VAX1: variants seen among roughly 807,000 people sequenced by gnomAD.
VAX1 encodes ventral anterior homeobox 1.
A neutral mutation model predicts 17.6 loss-of-function variants in VAX1; 6 were observed. The observed-to-expected ratio is 0.34, with a 90% confidence interval of 0.19 to 0.67. The LOEUF is 0.67. VAX1 is among the 30% of genes least tolerant of loss of function. The pLI is 0.69. For missense variants in VAX1, 408 were observed against 463.7 expected, an observed-to-expected ratio of 0.88 and a Z score of 1.10; for synonymous variants, 256 against 227.4, an observed-to-expected ratio of 1.13 and a Z score of -1.13.
In VAX1 at chr10:117,134,171, A is replaced by G; in HGVS notation, c.842T>C (p.Leu281Pro). ...GGACAGGCGGCTGGCGACGGAGCCG[A>G]GCAGCGAGGGCACCGGCAGGCTGAA... The part of the protein sequence containing the change: ...SLFSLPVPSL[L>P]GSVASRLSSA... Residue 281 changes from leucine to proline, a missense_variant, in exon 3 of 3, where the codon CTC becomes CCC. This residue lies in a region of VAX1 where 196 missense variants were observed against 218.7 expected (regional missense o/e 0.90). Coordinates refer to ENST00000369206, the MANE Select transcript of VAX1 (RefSeq NM_001112704.2). This position sits in a 1 kb window ranked among gnomAD's most constrained non-coding sequence, Gnocchi z 6.2. 6.6e-7 allele frequency: 1 copy of G among 1,522,164 alleles called. No homozygotes were observed. Among genetic ancestry groups the G allele is most frequent in the Non-Finnish European group, 8.8e-7 (1 of 1,135,018 alleles). 94.3% of individuals were successfully genotyped at this position (1,522,164 alleles called of 1,614,324 possible).
In VAX1 at chr10:117,136,757, GT is replaced by G. The variant is rs1203658701; in HGVS notation, c.242-99del. 1.4e-6 allele frequency: 2 copies of G among 1,437,382 alleles called. No homozygotes were observed. Among genetic ancestry groups the G allele is most frequent in the Non-Finnish European group, 1.9e-6 (2 of 1,072,110 alleles). The allele number at this position is 1,437,382 out of a possible 1,614,324, so 89.0% of individuals were successfully genotyped here. The stretch of plus-strand genomic sequence containing the variant: ...GGGACACAGTCCCCAGAAGCGTGCA[GT>G]TTTGGGGATGGGGGGCGGGGTGCGG... On this transcript the variant is annotated intron_variant, in intron 1 of 2. Transcript: ENST00000369206. The surrounding 1 kb of genome is among the most constrained non-coding windows in gnomAD (Gnocchi z 5.0).
rs536410336 is a variant in VAX1, at chr10:117,137,821, A to C, written c.236T>G (p.Val79Gly). Reference protein sequence around the residue: ...ADPDYCRRILVRDAKGSIREI... With the variant: ...ADPDYCRRILGRDAKGSIREI... ...GCAGCCCTGCCCATCCCTACCTCGGACCAGGATCCGGCGGCAGTAATCCGG... is the reference window on the plus strand; with the variant it reads ...GCAGCCCTGCCCATCCCTACCTCGGCCCAGGATCCGGCGGCAGTAATCCGG... Residue 79 changes from valine (V) to glycine (G), a missense_variant, in exon 1 of 3, where the codon GTC becomes GGC. By Grantham distance (109) the Val-to-Gly change is moderately radical (BLOSUM62 -3). Around this residue, in one of 4 missense-constraint regions of VAX1, gnomAD observed 133 missense variants for 112.0 expected, o/e 1.19. Transcript: ENST00000369206. This position sits in a 1 kb window ranked among gnomAD's most constrained non-coding sequence, Gnocchi z 7.4. 1 of 1,612,058 alleles carries C rather than the reference A, an allele frequency of 6.2e-7. No individual in the cohort carries two copies. Among genetic ancestry groups the C allele is most frequent in the African/African-American group, 1.3e-5 (1 of 74,994 alleles).
chr10:117,133,484 G>A lies in VAX1; in HGVS notation c.*524C>T, dbSNP rs1854117539. 3 of 985,480 alleles carry A rather than the reference G, an allele frequency of 3.0e-6. No homozygotes were observed. Among genetic ancestry groups the A allele is most frequent in the Non-Finnish European group, 3.6e-6 (3 of 830,064 alleles). 61.0% of individuals were successfully genotyped at this position (985,480 alleles called of 1,614,324 possible). A position where few individuals can be genotyped will look rare whatever the true frequency, so the allele number is the denominator to read the frequency against. On this transcript the variant is annotated 3_prime_UTR_variant, in exon 3 of 3. Coordinates refer to ENST00000369206, the MANE Select transcript of VAX1 (RefSeq NM_001112704.2). ...CCGACTATCCCGAGAGGTCCGCAAA[G>A]CGGGGCCCAGGGGCTCCCACAAGCC...
chr10:117,134,500 C>T lies in VAX1; in HGVS notation c.513G>A (p.Glu171=). The T allele has an allele frequency of 6.5e-7, 1 of 1,529,732 alleles. No individual in the cohort carries two copies. The highest frequency in any genetic ancestry group is 8.8e-7 in the Non-Finnish European group (1 of 1,142,454). The allele number at this position is 1,529,732 out of a possible 1,614,324, so 94.8% of individuals were successfully genotyped here. A position where few individuals can be genotyped will look rare whatever the true frequency, so the allele number is the denominator to read the frequency against. Residue 171 remains glutamate (E), a synonymous_variant, in exon 3 of 3, where the codon GAG becomes GAA. Coordinates refer to ENST00000369206, the MANE Select transcript of VAX1 (RefSeq NM_001112704.2). This position sits in a 1 kb window ranked among gnomAD's most constrained non-coding sequence, Gnocchi z 6.2. ...KDSELRSVVS[E]TAATCSVLRL... The stretch of plus-strand genomic sequence containing the variant: ...GTAGCACGCTGCACGTGGCCGCGGT[C>T]TCCGACACCACCGAGCGTAGCTCCG...
chr10:117,137,780 C>A lies in VAX1; in HGVS notation c.241+36G>T. On this transcript the variant is annotated intron_variant, in intron 1 of 2. Coordinates refer to ENST00000369206, the MANE Select transcript of VAX1 (RefSeq NM_001112704.2). This position sits in a 1 kb window ranked among gnomAD's most constrained non-coding sequence, Gnocchi z 7.4. ...CGCAGCTCCGGCCCCGGAGTCGACC[C>A]CAAAGAACGCGCCTGGCAGCCCTGC... 1 of 1,609,458 alleles carries A rather than the reference C, an allele frequency of 6.2e-7. No homozygotes were observed. The highest frequency in any genetic ancestry group is 1.1e-5 in the South Asian group (1 of 90,872).
In VAX1 at chr10:117,134,317, G is replaced by A. The variant is rs1854137444; in HGVS notation, c.696C>T (p.Ala232=). 1 of 1,053,992 alleles carries A rather than the reference G, an allele frequency of 9.5e-7. No individual in the cohort carries two copies. The highest frequency in any genetic ancestry group is 7.3e-5 in the East Asian group (1 of 13,762). The allele number at this position is 1,053,992 out of a possible 1,614,324, so 65.3% of individuals were successfully genotyped here. A position where few individuals can be genotyped will look rare whatever the true frequency, so the allele number is the denominator to read the frequency against. The change falls in exon 3 of 3, where the codon GCC becomes GCT. Residue 232 remains alanine, a synonymous_variant. Coordinates refer to ENST00000369206, the MANE Select transcript of VAX1 (RefSeq NM_001112704.2). The surrounding 1 kb of genome is among the most constrained non-coding windows in gnomAD (Gnocchi z 6.2). ...AAGSAAAAAA[A]APGPAGAASP... ...ATGCAGCGCCCGCTGGGCCCGGGGCGGCGGCGGCGGCTGCGGCGGCCGAGC... is the reference window on the plus strand; with the variant it reads ...ATGCAGCGCCCGCTGGGCCCGGGGCAGCGGCGGCGGCTGCGGCGGCCGAGC...
rs935643016 is a variant in VAX1 at position 117,134,216 on chromosome 10, G to C, written c.797C>G (p.Pro266Arg). 7 of 1,460,724 alleles carry C rather than the reference G, an allele frequency of 4.8e-6. No homozygotes were observed. Among genetic ancestry groups the C allele is most frequent in the Admixed American group, 6.2e-5 (2 of 32,406 alleles). 90.5% of individuals were successfully genotyped at this position (1,460,724 alleles called of 1,614,324 possible). A position where few individuals can be genotyped will look rare whatever the true frequency, so the allele number is the denominator to read the frequency against. ...GCTGAAGAGGCTGTGGCCCGCGGCC[G>C]GGGCGCCTGCGTGCAATCCCCCCGG... is the stretch of plus-strand genomic sequence containing the variant. ...AGPGGLHAGA[P>R]AAGHSLFSLP... Residue 266 changes from proline (P) to arginine (R), a missense_variant, in exon 3 of 3, where the codon CCG becomes CGG. Pro to Arg is a moderately radical substitution (Grantham distance 103). Transcript: ENST00000369206. This position sits in a 1 kb window ranked among gnomAD's most constrained non-coding sequence, Gnocchi z 6.2.
downstream of VAX1, chr10:117,131,325 T>C (rs1854080881): frequency 6.6e-6 from 1 of 152,174 alleles, no homozygotes; most frequent in Non-Finnish European, 1.5e-5. Flanking sequence ...CAAGAGAAAG[T>C]AAGGAGAGGC....
intron 2 of VAX1, among the ~76,000 whole-genome samples, chr10:117,135,182 G>C (rs942117321): frequency 6.6e-6 from 1 of 152,228 alleles, no homozygotes; most frequent in Non-Finnish European, 1.5e-5. Flanking sequence ...GTGACCATTA[G>C]CTAGCAGCAA....
At position 117,136,174 on chromosome 10, in the gene VAX1, C is replaced by G. The variant is rs2133662170; in HGVS notation, c.429+298G>C. The stretch of plus-strand genomic sequence containing the variant: ...GTAGAGCAGAAGCTCGAAGGAAATG[C>G]TCAAAACCGGGGGACAATAAAAATT... On this transcript the variant is annotated intron_variant, in intron 2 of 2. Coordinates refer to ENST00000369206, the MANE Select transcript of VAX1 (RefSeq NM_001112704.2). This position sits in a 1 kb window ranked among gnomAD's most constrained non-coding sequence, Gnocchi z 5.0. Among the ~76,000 whole-genome samples the G allele has an allele frequency of 6.6e-6, 1 of 152,348 alleles. No individual in the cohort carries two copies. The highest frequency in any genetic ancestry group is 2.1e-4 in the South Asian group (1 of 4,830).
Position 117,134,642 on chromosome 10 carries a change from G to T in VAX1, c.430-59C>A. ...GGGGCAGGGAAGACCAGCGTCAAAG[G>T]AAGCGAGCTCCCGGGGCGCGCGGCT... is the stretch of plus-strand genomic sequence containing the variant. On this transcript the variant is annotated intron_variant, in intron 2 of 2. Coordinates refer to ENST00000369206, the MANE Select transcript of VAX1 (RefSeq NM_001112704.2). This position sits in a 1 kb window ranked among gnomAD's most constrained non-coding sequence, Gnocchi z 6.2. 1 of 1,429,646 alleles carries T rather than the reference G, an allele frequency of 7.0e-7. No individual in the cohort carries two copies. The highest frequency in any genetic ancestry group is 9.2e-7 in the Non-Finnish European group (1 of 1,088,576). The allele number at this position is 1,429,646 out of a possible 1,614,324, so 88.6% of individuals were successfully genotyped here.
At position 117,136,505 on chromosome 10, in the gene VAX1, C is replaced by T. The variant is rs1854181073; in HGVS notation, c.396G>A (p.Glu132=). ...CGGAGAGGTTAAGCTGCCGGGCGAG[C>T]TCGGTCCTCTCGCGGCCCACCACGT... The part of the protein sequence containing the change: ...CQYVVGRERT[E]LARQLNLSET... Residue 132 remains glutamate, a synonymous_variant, in exon 2 of 3, where the codon GAG becomes GAA. Coordinates refer to ENST00000369206, the MANE Select transcript of VAX1 (RefSeq NM_001112704.2). The surrounding 1 kb of genome is among the most constrained non-coding windows in gnomAD (Gnocchi z 5.0). 3.1e-6 allele frequency: 5 copies of T among 1,613,736 alleles called. No homozygotes were observed. The highest frequency in any genetic ancestry group is 4.2e-6 in the Non-Finnish European group (5 of 1,180,016).
In VAX1 at chr10:117,134,712, G is replaced by T; in HGVS notation, c.430-129C>A. ...CCAGCCCTATCCGCAGCCCCACCCAGCAGCCGGAGGGGTCCGGGCCGGGGC... is the reference window on the plus strand; with the variant it reads ...CCAGCCCTATCCGCAGCCCCACCCATCAGCCGGAGGGGTCCGGGCCGGGGC... On this transcript the variant is annotated intron_variant, in intron 2 of 2. Transcript: ENST00000369206. The surrounding 1 kb of genome is among the most constrained non-coding windows in gnomAD (Gnocchi z 6.2). 1.1e-6 allele frequency: 1 copy of T among 950,194 alleles called. No homozygotes were observed. The highest frequency in any genetic ancestry group is 1.4e-6 in the Non-Finnish European group (1 of 692,254). The allele number at this position is 950,194 out of a possible 1,614,324, so 58.9% of individuals were successfully genotyped here.
At chr10:117,135,600 C>A (rs1015871404) in intron 2 of VAX1, among the ~76,000 whole-genome samples, 1 of 152,324 alleles carries the variant, frequency 6.6e-6, no homozygotes, top group African/African-American at 2.4e-5. Context: ...GATCCCGGAC[C>A]TAAAATGCTC....
Position 117,133,890 on chromosome 10 carries a change from C to CA in VAX1, c.*117dup. On this transcript the variant is annotated 3_prime_UTR_variant, in exon 3 of 3. Coordinates refer to ENST00000369206, the MANE Select transcript of VAX1 (RefSeq NM_001112704.2). ...GAGTCTAGTGGGAAAGGAGAGCTGT[C>CA]AGAGGCCTGGTGGGAGCCAGGAGCC... is the stretch of plus-strand genomic sequence containing the variant. The CA allele has an allele frequency of 7.1e-7, 1 of 1,399,392 alleles. No homozygotes were observed. The highest frequency in any genetic ancestry group is 1.7e-5 in the South Asian group (1 of 59,572). The allele number at this position is 1,399,392 out of a possible 1,614,324, so 86.7% of individuals were successfully genotyped here.
Position 117,136,767 on chromosome 10 carries a change from T to G in VAX1, c.242-108A>C, listed in dbSNP as rs1198287401. On this transcript the variant is annotated intron_variant, in intron 1 of 2. Transcript: ENST00000369206. The surrounding 1 kb of genome is among the most constrained non-coding windows in gnomAD (Gnocchi z 5.0). Reference sequence around the variant, plus strand: ...CCCCAGAAGCGTGCAGTTTTGGGGATGGGGGGCGGGGTGCGGAGCGCGACC... The same window carrying G: ...CCCCAGAAGCGTGCAGTTTTGGGGAGGGGGGGCGGGGTGCGGAGCGCGACC... 2 of 1,384,208 alleles carry G rather than the reference T, an allele frequency of 1.4e-6. No individual in the cohort carries two copies. Among genetic ancestry groups the G allele is most frequent in the East Asian group, 4.9e-5 (2 of 41,232 alleles). 85.7% of individuals were successfully genotyped at this position (1,384,208 alleles called of 1,614,324 possible).
chr10:117,135,313 C>T (rs1000384346), intron 2 of VAX1, among the ~76,000 whole-genome samples: 13 of 152,206 alleles, frequency 8.5e-5, no homozygotes, highest in Non-Finnish European at 1.9e-4. Flanking sequence ...TAGTTTATCT[C>T]TCCACTGGTC....
In VAX1 at chr10:117,134,205, G is replaced by A; in HGVS notation, c.808C>T (p.His270Tyr). 6.8e-7 allele frequency: 1 copy of A among 1,477,470 alleles called. No homozygotes were observed. 91.5% of individuals were successfully genotyped at this position (1,477,470 alleles called of 1,614,324 possible). The change falls in exon 3 of 3, where the codon CAC becomes TAC. Residue 270 changes from histidine (H) to tyrosine (Y), a missense_variant. His to Tyr is a moderately conservative substitution (Grantham distance 83). Around this residue, in one of 4 missense-constraint regions of VAX1, gnomAD observed 196 missense variants for 218.7 expected, o/e 0.90. Transcript: ENST00000369206. The surrounding 1 kb of genome is among the most constrained non-coding windows in gnomAD (Gnocchi z 6.2). ...GLHAGAPAAG[H>Y]SLFSLPVPSL... ...GGCACCGGCAGGCTGAAGAGGCTGT[G>A]GCCCGCGGCCGGGGCGCCTGCGTGC...
At chr10:117,130,338 T>C (rs1854068243), downstream of VAX1, 1 of 152,268 alleles carries the variant, frequency 6.6e-6, no homozygotes, top group African/African-American at 2.4e-5. Context: ...CAAGTGTGGA[T>C]AGGAGCATGT....
Sources: allele counts gnomAD v4.1 joint callset (sites outside exome capture counted in the v4.1 genomes callset), GRCh38; gene constraint gnomAD v4.1.1; regional missense constraint gnomAD v4.1.1; non-coding constraint Gnocchi (gnomAD v3.1); transcripts MANE v1.5; gene names NCBI Gene and HGNC (gene_info 2026-07-23, HGNC 2026-07-21).